DOCK3: variants seen among roughly 807,000 people sequenced by gnomAD.
The protein encoded by DOCK3 is dedicator of cytokinesis protein 3.
DOCK3 carries 60 observed loss-of-function variants against 265.6 expected under a neutral mutation model. The ratio of observed to expected loss-of-function variants is 0.23; its 90% CI spans 0.18 to 0.28. The LOEUF is 0.28. Ranked by LOEUF, DOCK3 falls within the 10% of genes least tolerant of loss-of-function variation. The pLI, the probability that DOCK3 is intolerant of heterozygous loss-of-function variation, is 1.00. For missense variants in DOCK3, 1,981 were observed against 2,594.3 expected (o/e 0.76, Z 5.14); for synonymous variants, 881 against 938.0 (o/e 0.94, Z 1.11).
chr3:51,186,436 A>T (rs2107786341), intron 12 of DOCK3, among the ~76,000 whole-genome samples: 1 of 152,334 alleles, frequency 6.6e-6, no homozygotes, highest in East Asian at 1.9e-4. Context: ...AAGCTTGGAA[A>T]ATTCGCAGCC....
At chr3:51,248,317 G>A (rs1227569357) in intron 22 of DOCK3, among the ~76,000 whole-genome samples, 3 of 152,222 alleles carry the variant, frequency 2.0e-5, no homozygotes, top group East Asian at 1.9e-4. Context: ...CTCAGCCTGC[G>A]GAGTGCCTGC....
At chr3:50,934,495 T>C (rs1351628145) in intron 5 of DOCK3, among the ~76,000 whole-genome samples, 1 of 152,180 alleles carries the variant, frequency 6.6e-6, no homozygotes, top group Non-Finnish European at 1.5e-5. Flanking sequence ...CAAGGATATG[T>C]CATATCTGAC....
chr3:50,786,421 G>T (rs2042188148), intron 2 of DOCK3, among the ~76,000 whole-genome samples: 1 of 152,110 alleles, frequency 6.6e-6, no homozygotes, highest in Non-Finnish European at 1.5e-5. Context: ...CCTTAGATCT[G>T]TTGTTTCAGT....
At chr3:50,836,234 C>T (rs2045502303) in intron 2 of DOCK3, among the ~76,000 whole-genome samples, 1 of 152,228 alleles carries the variant, frequency 6.6e-6, no homozygotes, top group Admixed American at 6.5e-5. Flanking sequence ...CATGTGGGGG[C>T]TCTTACCCAA....
intron 7 of DOCK3, among the ~76,000 whole-genome samples, chr3:51,077,759 C>A (rs1489066694): frequency 6.6e-6 from 1 of 152,094 alleles, no homozygotes; most frequent in Non-Finnish European, 1.5e-5. Context: ...TTTGGGATTC[C>A]TTTTAGACAT....
chr3:50,822,243 G>GTATTT (rs2044482544), intron 2 of DOCK3, among the ~76,000 whole-genome samples: 2 of 151,996 alleles, frequency 1.3e-5, no homozygotes, highest in South Asian at 4.2e-4. Flanking sequence ...ATATTCCTAG[G>GTATTT]TATTTTATTT....
At chr3:51,032,028 C>T (rs921640817) in intron 5 of DOCK3, among the ~76,000 whole-genome samples, 1 of 152,112 alleles carries the variant, frequency 6.6e-6, no homozygotes, top group African/African-American at 2.4e-5. Flanking sequence ...TATTTTGTTA[C>T]AGCTGCGCAA....
At chr3:51,376,184 C>T (rs2088112006) in intron 51 of DOCK3, among the ~76,000 whole-genome samples, 1 of 152,168 alleles carries the variant, frequency 6.6e-6, no homozygotes, top group African/African-American at 2.4e-5. Flanking sequence ...GCCTTGTGGC[C>T]CCTTTGGTCC....
chr3:51,331,401 CA>C (rs1560449831), intron 33 of DOCK3, among the ~76,000 whole-genome samples: 1 of 151,964 alleles, frequency 6.6e-6, no homozygotes, highest in Non-Finnish European at 1.5e-5. Context: ...ATGACTACTA[CA>C]AAGGAAAAAG....
intron 6 of DOCK3, among the ~76,000 whole-genome samples, chr3:51,071,842 G>A (rs1215026447): frequency 1.3e-5 from 2 of 152,262 alleles, no homozygotes; most frequent in Non-Finnish European, 2.9e-5. Flanking sequence ...TTTTGAGAGT[G>A]AAGTTTGTAG....
chr3:50,852,725 C>T (rs2046398990), intron 3 of DOCK3, among the ~76,000 whole-genome samples: 1 of 151,942 alleles, frequency 6.6e-6, no homozygotes, highest in Non-Finnish European at 1.5e-5. Context: ...TTTTAACTTT[C>T]TGATTTTTTT....
chr3:50,873,233 G>T (rs1261705338), intron 3 of DOCK3, among the ~76,000 whole-genome samples: 3 of 152,144 alleles, frequency 2.0e-5, no homozygotes, highest in Non-Finnish European at 4.4e-5. Flanking sequence ...GGCCCCAGGG[G>T]CTCTTTAGGT....
intron 1 of DOCK3, among the ~76,000 whole-genome samples, chr3:50,772,426 A>G (rs2041330042): frequency 6.6e-6 from 1 of 152,196 alleles, no homozygotes; most frequent in South Asian, 2.1e-4. Context: ...CTTAATTTAC[A>G]TTTTAAAATT....
intron 1 of DOCK3, among the ~76,000 whole-genome samples, chr3:50,691,789 G>A (rs1045354398): frequency 2.0e-5 from 3 of 152,012 alleles, no homozygotes; most frequent in African/African-American, 7.3e-5. Flanking sequence ...TTGTGGTTTT[G>A]ATTTGTATTT....
Position 50,733,837 on chromosome 3 carries a change from G to C in DOCK3, c.38-44838G>C, listed in dbSNP as rs1052778512. ...TTCCTTTGTGATTTGATGATTATTT[G>C]TAGTGGTATACTTTGATTCCTTTCT... On this transcript the variant is annotated intron_variant, in intron 1 of 52. Transcript: ENST00000266037. Among the ~76,000 whole-genome samples, 6 of 147,452 alleles carry C rather than the reference G, an allele frequency of 4.1e-5. No individual in the cohort carries two copies. In the East Asian group the frequency reaches 1.2e-3, roughly 29 times the overall value.
intron 1 of DOCK3, among the ~76,000 whole-genome samples, chr3:50,692,018 G>A (rs1576115116): frequency 6.6e-6 from 1 of 152,072 alleles, no homozygotes; most frequent in Middle Eastern, 3.4e-3. Flanking sequence ...GAGCTCAGGG[G>A]ATTCTCCCAC....
intron 2 of DOCK3, among the ~76,000 whole-genome samples, chr3:50,828,695 G>A (rs571333219): frequency 4.3e-4 from 65 of 151,794 alleles, no homozygotes; most frequent in African/African-American, 1.5e-3. Flanking sequence ...GTGAGCCATG[G>A]CGCCCAACCT....
chr3:50,862,435 C>T (rs966190091), intron 3 of DOCK3, among the ~76,000 whole-genome samples: 2 of 152,142 alleles, frequency 1.3e-5, no homozygotes, highest in African/African-American at 2.4e-5. Flanking sequence ...CTGGTTCTCC[C>T]TTAGGTAGGC....
intron 2 of DOCK3, chr3:50,788,213 C>G (rs1485166230): frequency 1.3e-6 from 1 of 763,812 alleles, no homozygotes; most frequent in African/African-American, 1.8e-5. Flanking sequence ...CGGCTATCAT[C>G]TTGTGCCATT....
Sources: allele counts gnomAD v4.1 joint callset (sites outside exome capture counted in the v4.1 genomes callset), GRCh38; gene constraint gnomAD v4.1.1; transcripts MANE v1.5; gene names NCBI Gene and HGNC (gene_info 2026-07-23, HGNC 2026-07-21).